The following PPARGC1A variants were observed in gnomAD, a reference collection of about 807,000 sequenced individuals.
PPARGC1A encodes PPARG coactivator 1 alpha, also known as peroxisome proliferator-activated receptor gamma coactivator 1-alpha.
PPARGC1A carries 25 observed loss-of-function variants against 88.7 expected under a neutral mutation model. The observed-to-expected ratio is 0.28, with a 90% CI of 0.21 to 0.39. The LOEUF (loss-of-function observed/expected upper bound fraction) is 0.39. Ranked by LOEUF, PPARGC1A falls within the 10% of genes least tolerant of loss-of-function variation. The pLI, the probability that PPARGC1A is intolerant of heterozygous loss-of-function variation, is 1.00. For synonymous variants in PPARGC1A, 363 were observed against 355.6 expected (o/e 1.02, Z -0.24); for missense variants, 880 against 968.7 (o/e 0.91, Z 1.22).
chr4:24,076,486 T>G, the PPARGC1A span, among the ~76,000 whole-genome samples: 1 of 152,142 alleles, frequency 6.6e-6, no homozygotes, highest in African/African-American at 2.4e-5. Context: ...AAATACAAGT[T>G]TATTGAGTGG....
the PPARGC1A span, among the ~76,000 whole-genome samples, chr4:24,159,382 T>C: frequency 6.6e-6 from 1 of 151,996 alleles, no homozygotes; most frequent in African/African-American, 2.4e-5. Flanking sequence ...GACTAATGTT[T>C]GTATTTTTAT....
the PPARGC1A span, among the ~76,000 whole-genome samples, chr4:24,469,550 A>G: frequency 6.6e-6 from 1 of 152,188 alleles, no homozygotes; most frequent in East Asian, 1.9e-4. Flanking sequence ...CAATACTTCA[A>G]ATAATCTCCT....
At chr4:24,229,581 C>T in the PPARGC1A span, among the ~76,000 whole-genome samples, 1 of 151,332 alleles carries the variant, frequency 6.6e-6, no homozygotes, top group African/African-American at 2.4e-5. Flanking sequence ...GCCTGTAATC[C>T]CAACACTTTG....
the PPARGC1A span, among the ~76,000 whole-genome samples, chr4:24,463,038 A>T: frequency 6.6e-6 from 1 of 151,832 alleles, no homozygotes; most frequent in African/African-American, 2.4e-5. Context: ...ATTTTTTTCC[A>T]TTCCCTCCTG....
the PPARGC1A span, among the ~76,000 whole-genome samples, chr4:24,088,866 C>G: frequency 6.6e-6 from 1 of 152,024 alleles, no homozygotes; most frequent in Non-Finnish European, 1.5e-5. Context: ...ATAGGATAGG[C>G]ATTGGAGTCA....
the PPARGC1A span, among the ~76,000 whole-genome samples, chr4:24,228,259 T>C: frequency 6.6e-6 from 1 of 152,220 alleles, no homozygotes; most frequent in Non-Finnish European, 1.5e-5. Context: ...ATTTTGACTC[T>C]TTTATTTCTC....
At chr4:24,002,097 C>CACAGAG in the PPARGC1A span, among the ~76,000 whole-genome samples, 496 of 125,350 alleles carry the variant, frequency 4.0e-3, 2 homozygotes, top group East Asian at 0.022. Context: ...CACACACACA[C>CACAGAG]AGAGAGAGAG....
At chr4:24,465,235 G>A in the PPARGC1A span, among the ~76,000 whole-genome samples, 6 of 152,088 alleles carry the variant, frequency 3.9e-5, no homozygotes, top group African/African-American at 1.4e-4. Flanking sequence ...GGGTGGATCT[G>A]GTACCATATT....
intron 2 of PPARGC1A, among the ~76,000 whole-genome samples, chr4:23,840,852 T>C (rs1365818753): frequency 3.3e-5 from 5 of 152,262 alleles, no homozygotes; most frequent in African/African-American, 7.2e-5. Flanking sequence ...GGACAATTTG[T>C]CTTCTTAATA....
At chr4:24,463,881 C>T in the PPARGC1A span, among the ~76,000 whole-genome samples, 13 of 152,204 alleles carry the variant, frequency 8.5e-5, no homozygotes, top group Admixed American at 2.0e-4. Flanking sequence ...CACGCATATC[C>T]ATTTTGACTG....
At chr4:24,077,019 G>A in the PPARGC1A span, among the ~76,000 whole-genome samples, 1 of 151,400 alleles carries the variant, frequency 6.6e-6, no homozygotes, top group East Asian at 2.0e-4. Context: ...TTGGCTCAAT[G>A]CCAAAAAAAA....
At chr4:24,032,087 A>G in the PPARGC1A span, among the ~76,000 whole-genome samples, 1 of 152,248 alleles carries the variant, frequency 6.6e-6, no homozygotes, top group Non-Finnish European at 1.5e-5. Flanking sequence ...TTGATTTAGC[A>G]GCGATATAGA....
At chr4:24,342,904 C>T in the PPARGC1A span, among the ~76,000 whole-genome samples, 2 of 152,076 alleles carry the variant, frequency 1.3e-5, no homozygotes, top group African/African-American at 2.4e-5. Context: ...GCCATGTTTC[C>T]CCACAAGACA....
the PPARGC1A span, among the ~76,000 whole-genome samples, chr4:23,956,252 T>C: frequency 6.6e-6 from 1 of 152,086 alleles, no homozygotes; most frequent in Admixed American, 6.6e-5. Context: ...TACATGCCCA[T>C]CACCTGTGGA....
the PPARGC1A span, among the ~76,000 whole-genome samples, chr4:24,281,724 G>A: frequency 1.3e-5 from 2 of 152,128 alleles, no homozygotes; most frequent in Non-Finnish European, 2.9e-5. Flanking sequence ...GTTCCATGAA[G>A]GGCAGAGATC....
At chr4:24,161,959 T>TACACAC in the PPARGC1A span, among the ~76,000 whole-genome samples, 3 of 118,732 alleles carry the variant, frequency 2.5e-5, no homozygotes, top group East Asian at 7.7e-4. Context: ...GAAATTGTGA[T>TACACAC]ATACACACAC....
At chr4:23,891,187 A>T (rs1171526155), upstream of PPARGC1A, among the ~76,000 whole-genome samples, 2 of 152,230 alleles carry the variant, frequency 1.3e-5, no homozygotes, top group African/African-American at 2.4e-5. Context: ...AACTCAAGGT[A>T]CTGGACACAG....
the PPARGC1A span, among the ~76,000 whole-genome samples, chr4:24,247,330 T>A: frequency 6.6e-6 from 1 of 152,168 alleles, no homozygotes; most frequent in Non-Finnish European, 1.5e-5. Flanking sequence ...TATGCTTCCA[T>A]GATATACTTT....
chr4:24,095,146 C>G, the PPARGC1A span, among the ~76,000 whole-genome samples: 2 of 127,338 alleles, frequency 1.6e-5, no homozygotes, highest in Non-Finnish European at 3.1e-5. Flanking sequence ...GAGACAGAGT[C>G]TCACTCTGTC....
Sources: allele counts gnomAD v4.1 joint callset (sites outside exome capture counted in the v4.1 genomes callset), GRCh38; gene constraint gnomAD v4.1.1; transcripts MANE v1.5; gene names NCBI Gene and HGNC (gene_info 2026-07-23, HGNC 2026-07-21).